The following LRTM1 variants were observed in gnomAD, a reference collection of about 807,000 sequenced individuals.
LRTM1 encodes the protein leucine-rich repeat and transmembrane domain-containing protein 1.
In LRTM1, 38 loss-of-function variants were observed where a neutral mutation model predicts 32.4. The observed-to-expected ratio is 1.17, with a 90% CI of 0.91 to 1.54. The LOEUF (loss-of-function observed/expected upper bound fraction) is 1.54, where lower values mean the gene tolerates loss of function less well. Among genes scored for constraint, LRTM1 ranks in the 40% most tolerant of loss-of-function variants. The pLI is 0.00. For missense variants in LRTM1, 466 were observed against 415.4 expected (o/e 1.12, Z -1.06); for synonymous variants, 186 against 169.9 (o/e 1.09, Z -0.74).
At chr3:54,921,183 GCTCTTCACCTCTGTCTTGGGAGA>G (rs1700839153) in intron 2 of LRTM1, among the ~76,000 whole-genome samples, 1 of 24,920 alleles carries the variant, frequency 4.0e-5, no homozygotes, top group African/African-American at 1.8e-4. Flanking sequence ...ATCACTAGTA[GCTCTTCACCTCTGTCTTGGGAGA>G]AACTAGATTC....
intron 1 of LRTM1, among the ~76,000 whole-genome samples, chr3:54,956,317 C>A (rs2107031722): frequency 6.6e-6 from 1 of 152,274 alleles, no homozygotes; most frequent in South Asian, 2.1e-4. Context: ...TTTCCATGTA[C>A]AATGAATTGG....
At chr3:54,940,693 T>C (rs1701443205) in intron 1 of LRTM1, among the ~76,000 whole-genome samples, 1 of 151,780 alleles carries the variant, frequency 6.6e-6, no homozygotes, top group South Asian at 2.1e-4. Flanking sequence ...AATAAGGCTG[T>C]TGTATGAAAA....
chr3:54,926,696 C>T, intron 1 of LRTM1, among the ~76,000 whole-genome samples: 1 of 152,218 alleles, frequency 6.6e-6, no homozygotes, highest in Admixed American at 6.5e-5. Context: ...ACTGTTGTAG[C>T]ATATTCCATG....
intron 1 of LRTM1, among the ~76,000 whole-genome samples, chr3:54,943,447 C>G (rs2106991921): frequency 6.6e-6 from 1 of 152,278 alleles, no homozygotes; most frequent in East Asian, 1.9e-4. Context: ...TGCCCTCTTC[C>G]TATTCCACCA....
chr3:54,941,058 C>T (rs1701453525), intron 1 of LRTM1, among the ~76,000 whole-genome samples: 1 of 152,134 alleles, frequency 6.6e-6, no homozygotes, highest in South Asian at 2.1e-4. Flanking sequence ...GTGATTAAAG[C>T]AAATCAAACA....
At chr3:54,955,496 G>A (rs902912335) in intron 1 of LRTM1, among the ~76,000 whole-genome samples, 11 of 152,154 alleles carry the variant, frequency 7.2e-5, no homozygotes, top group Non-Finnish European at 1.5e-4. Flanking sequence ...GTCAGATGAG[G>A]ATATTCCAAA....
At position 54,918,306 on chromosome 3, in the gene LRTM1, T is replaced by G. The variant is rs1700713240; in HGVS notation, c.*153A>C. ...AACATAAATTCCTCCCCAGAAATAT[T>G]TTTTACAGACACATCTTTTTTTTTT... On this transcript the variant is annotated 3_prime_UTR_variant, in exon 3 of 3. Transcript: ENST00000273286. The G allele has an allele frequency of 3.9e-6, 3 of 776,364 alleles. No individual in the cohort carries two copies. The highest frequency in any genetic ancestry group is 6.1e-6 in the Non-Finnish European group (3 of 491,898). 48.1% of individuals were successfully genotyped at this position (776,364 alleles called of 1,614,324 possible). A position where few individuals can be genotyped will look rare whatever the true frequency, so the allele number is the denominator to read the frequency against.
upstream of LRTM1, among the ~76,000 whole-genome samples, chr3:54,929,451 G>A (rs1444239833): frequency 6.6e-6 from 1 of 152,202 alleles, no homozygotes; most frequent in Non-Finnish European, 1.5e-5. Context: ...ACAAAGGGAA[G>A]AGGCCCTTTG....
chr3:54,935,473 C>T (rs148690445), intron 1 of LRTM1, among the ~76,000 whole-genome samples: 219 of 152,236 alleles, frequency 1.4e-3, no homozygotes, highest in African/African-American at 5.0e-3. Flanking sequence ...AAGAAACAAA[C>T]GGATCAAGAA....
At chr3:54,931,837 G>A (rs1701198485), upstream of LRTM1, among the ~76,000 whole-genome samples, 1 of 152,104 alleles carries the variant, frequency 6.6e-6, no homozygotes, top group Non-Finnish European at 1.5e-5. Flanking sequence ...ACAATGTCTT[G>A]AAATCCAGCA....
At chr3:54,920,694 A>T (rs1435831024) in intron 2 of LRTM1, among the ~76,000 whole-genome samples, 1 of 152,172 alleles carries the variant, frequency 6.6e-6, no homozygotes, top group Non-Finnish European at 1.5e-5. Flanking sequence ...AAATGAAGTG[A>T]TGGGGCTTTG....
intron 1 of LRTM1, among the ~76,000 whole-genome samples, chr3:54,938,022 G>A (rs1261536586): frequency 6.6e-6 from 1 of 152,204 alleles, no homozygotes; most frequent in Non-Finnish European, 1.5e-5. Flanking sequence ...GAGGTAAAGA[G>A]GATGTTGATT....
intron 1 of LRTM1, among the ~76,000 whole-genome samples, chr3:54,958,438 A>G (rs2107038563): frequency 6.6e-6 from 1 of 152,292 alleles, no homozygotes; most frequent in East Asian, 1.9e-4. Flanking sequence ...TTTATTCCCT[A>G]CAGCAGTAAG....
chr3:54,956,762 T>C (rs1312528636), intron 1 of LRTM1, among the ~76,000 whole-genome samples: 2 of 152,146 alleles, frequency 1.3e-5, no homozygotes, highest in African/African-American at 4.8e-5. Context: ...CATTTGAATA[T>C]TTAGATGCAT....
chr3:54,921,569 GTCTATTT>G (rs1460606349), intron 2 of LRTM1, among the ~76,000 whole-genome samples: 1 of 151,978 alleles, frequency 6.6e-6, no homozygotes, highest in Non-Finnish European at 1.5e-5. Context: ...ACTTTTTGTG[GTCTATTT>G]GAGGCCATGT....
At chr3:54,931,224 T>C (rs1402286373), upstream of LRTM1, among the ~76,000 whole-genome samples, 1 of 152,198 alleles carries the variant, frequency 6.6e-6, no homozygotes, top group Non-Finnish European at 1.5e-5. Context: ...GCCCCAGAGC[T>C]AATGGGTTCC....
chr3:54,935,243 T>C (rs1255856332), intron 1 of LRTM1, among the ~76,000 whole-genome samples: 2 of 152,152 alleles, frequency 1.3e-5, no homozygotes, highest in Admixed American at 1.3e-4. Context: ...ACTTGCATTT[T>C]GGGGGTTAAT....
intron 1 of LRTM1, among the ~76,000 whole-genome samples, chr3:54,951,702 G>A (rs752718282): frequency 4.6e-5 from 7 of 152,210 alleles, no homozygotes; most frequent in Admixed American, 2.0e-4. Context: ...TCACTGAACC[G>A]CCGTGTACCT....
intron 1 of LRTM1, among the ~76,000 whole-genome samples, chr3:54,950,783 G>A (rs755990404): frequency 6.6e-6 from 1 of 152,128 alleles, no homozygotes; most frequent in Non-Finnish European, 1.5e-5. Flanking sequence ...CTTGATCGGG[G>A]CCAAAATAAA....
Sources: gnomAD v4.1 joint callset for allele counts (sites outside exome capture counted in the v4.1 genomes callset) on GRCh38, gnomAD v4.1.1 for gene constraint, MANE v1.5 for transcripts, NCBI Gene and HGNC (gene_info 2026-07-23, HGNC 2026-07-21) for gene names.